STYXL1: variants seen among roughly 807,000 people sequenced by gnomAD.
The protein encoded by STYXL1 is serine/threonine/tyrosine-interacting-like protein 1.
Under a neutral mutation model 36.4 loss-of-function variants are expected in STYXL1, and 32 were observed. The ratio of observed to expected loss-of-function variants is 0.88; its 90% CI spans 0.66 to 1.18. The LOEUF (loss-of-function observed/expected upper bound fraction) is 1.18, where lower values mean the gene tolerates loss of function less well. Ranked by LOEUF, STYXL1 falls within the 50% of genes most tolerant of loss-of-function variation. The pLI, the probability that STYXL1 is intolerant of heterozygous loss-of-function variation, is 0.00. For synonymous variants in STYXL1, 133 were observed against 144.1 expected, an observed-to-expected ratio of 0.92 and a Z score of 0.55; for missense variants, 354 against 394.1, an observed-to-expected ratio of 0.90 and a Z score of 0.86.
chr7:76,018,006 C>T (rs1793611741), intron 4 of STYXL1, among the ~76,000 whole-genome samples: 4 of 151,806 alleles, frequency 2.6e-5, no homozygotes, highest in Admixed American at 1.3e-4. Flanking sequence ...CAACCATCCC[C>T]CACAATCAAT....
chr7:76,012,673 G>A (rs1390439343), intron 5 of STYXL1, among the ~76,000 whole-genome samples: 1 of 152,136 alleles, frequency 6.6e-6, no homozygotes, highest in Non-Finnish European at 1.5e-5. Context: ...GGGATTATAG[G>A]CGTGAGCCAC....
chr7:76,005,459 T>A, intron 5 of STYXL1, 55 bp from the exon 6 acceptor site: 1 of 1,511,300 alleles, frequency 6.6e-7, no homozygotes, highest in African/African-American at 1.4e-5. Context: ...GGAAGAGGGA[T>A]GTCTATCTCT....
At chr7:76,024,935 T>A (rs1262249608) in intron 3 of STYXL1, among the ~76,000 whole-genome samples, 2 of 82,312 alleles carry the variant, frequency 2.4e-5, no homozygotes, top group South Asian at 4.1e-4. Flanking sequence ...GGCGACAGAG[T>A]GAGACTCTGT....
Position 76,028,671 on chromosome 7 carries a change from G to C in STYXL1, c.136C>G (p.His46Asp), listed in dbSNP as rs781821902. The change falls in exon 3 of 9, where the codon CAT becomes GAT. Residue 46 changes from histidine to aspartate, a missense_variant. His to Asp is a moderately conservative substitution (Grantham distance 81). Coordinates refer to ENST00000359697, the MANE Select transcript of STYXL1 (RefSeq NM_001317785.2). ...VRSKWEYDES[H>D]VITALRVKKK... is the part of the protein sequence containing the mutation. ...TTCACTCGAAGGGCAGTGATCACAT[G>C]GCTTTCGTCATACTCCCATTTGGAA... 10 of 1,614,096 alleles carry C rather than the reference G, an allele frequency of 6.2e-6. No individual in the cohort carries two copies. Among genetic ancestry groups the C allele is most frequent in the Non-Finnish European group, 8.5e-6 (10 of 1,180,006 alleles).
intron 5 of STYXL1, 90 bp from the exon 6 acceptor site, chr7:76,005,494 G>C (rs1366374343): frequency 2.3e-6 from 3 of 1,286,820 alleles, no homozygotes; most frequent in Non-Finnish European, 3.3e-6. Context: ...GCAAACGAGC[G>C]TAAAAGGGCA....
chr7:76,003,694 C>T, intron 7 of STYXL1, 64 bp downstream of exon 7: 4 of 1,439,578 alleles, frequency 2.8e-6, no homozygotes, highest in Non-Finnish European at 3.9e-6. Context: ...GTGAAGGAGG[C>T]TCCACTGCCC....
At chr7:76,003,071 G>T (rs1270827649) in intron 7 of STYXL1, among the ~76,000 whole-genome samples, 2 of 152,176 alleles carry the variant, frequency 1.3e-5, no homozygotes, top group Non-Finnish European at 2.9e-5. Flanking sequence ...TCTCTCTACA[G>T]ATCTTACTCT....
intron 5 of STYXL1, among the ~76,000 whole-genome samples, chr7:76,005,929 G>A (rs2116812449): frequency 6.6e-6 from 1 of 150,566 alleles, no homozygotes; most frequent in South Asian, 2.1e-4. Flanking sequence ...GGAGGGAGGA[G>A]GTGGAGGAGG....
chr7:76,043,681 C>T (rs544179866), intron 1 of STYXL1, among the ~76,000 whole-genome samples: 1 of 152,266 alleles, frequency 6.6e-6, no homozygotes, highest in East Asian at 1.9e-4. Context: ...GTCGAAGGGG[C>T]TTTTCTTGCC....
chr7:76,007,622 C>G (rs1791955913), intron 5 of STYXL1, among the ~76,000 whole-genome samples: 1 of 151,770 alleles, frequency 6.6e-6, no homozygotes, highest in Non-Finnish European at 1.5e-5. Flanking sequence ...CATTAGCAAT[C>G]AAAGGTTCAA....
exon 9 of STYXL1, chr7:75,996,340 CAT>C (rs1216592261): frequency 6.3e-7 from 1 of 1,577,766 alleles, no homozygotes; most frequent in Non-Finnish European, 8.6e-7. Flanking sequence ...AGGAGGCTAA[CAT>C]GAGACTTTCA....
chr7:76,001,406 G>C (rs1790903291), intron 7 of STYXL1, among the ~76,000 whole-genome samples: 1 of 152,144 alleles, frequency 6.6e-6, no homozygotes, highest in Non-Finnish European at 1.5e-5. Flanking sequence ...ACTGGCCGTG[G>C]GGCTTGGGCA....
chr7:76,002,404 G>C (rs1791066327), intron 7 of STYXL1, among the ~76,000 whole-genome samples: 1 of 152,184 alleles, frequency 6.6e-6, no homozygotes, highest in Non-Finnish European at 1.5e-5. Flanking sequence ...CAGACTGCCA[G>C]GGCTGAAGAA....
intron 4 of STYXL1, among the ~76,000 whole-genome samples, chr7:76,020,813 C>T (rs923008823): frequency 3.3e-5 from 5 of 152,062 alleles, no homozygotes; most frequent in Admixed American, 3.3e-4. Flanking sequence ...GCCTGGCTTC[C>T]TCACAGCTCT....
intron 4 of STYXL1, among the ~76,000 whole-genome samples, chr7:76,020,119 T>C (rs1703945239): frequency 6.6e-6 from 1 of 152,002 alleles, no homozygotes; most frequent in African/African-American, 2.4e-5. Context: ...AGTTATAGAA[T>C]GTAAAGGGGA....
At chr7:76,045,386 A>C (rs1796856040) in intron 1 of STYXL1, 1 of 152,094 alleles carries the variant, frequency 6.6e-6, no homozygotes, top group African/African-American at 2.4e-5. Context: ...CCTCAAACAC[A>C]GTTCTGGCAG....
chr7:76,043,654 C>T (rs555284934), intron 1 of STYXL1, among the ~76,000 whole-genome samples: 1 of 152,288 alleles, frequency 6.6e-6, no homozygotes, highest in South Asian at 2.1e-4. Context: ...CAAGCTGAGA[C>T]AGTAACAAGG....
chr7:76,041,026 CAAAAGGAGCGGTTT>C (rs1796430148), intron 1 of STYXL1, among the ~76,000 whole-genome samples: 1 of 151,192 alleles, frequency 6.6e-6, no homozygotes, highest in Non-Finnish European at 1.5e-5. Flanking sequence ...TCCAGGGATC[CAAAAGGAGCGGTTT>C]AAAATACTTC....
rs1563468085 is a variant in STYXL1, at chr7:76,005,869, GAGAGAGGAGGAGA to G, written c.454-478_454-466del. Among the ~76,000 whole-genome samples, 4 of 33,658 alleles carry G rather than the reference GAGAGAGGAGGAGA, an allele frequency of 1.2e-4. No individual in the cohort carries two copies. The South Asian group carries it at 2.6e-3, about 22-fold the overall frequency. 22.1% of individuals were successfully genotyped at this position (33,658 alleles called of 152,430 possible). On this transcript the variant is annotated intron_variant, in intron 5 of 8. Coordinates refer to ENST00000359697, the MANE Select transcript of STYXL1 (RefSeq NM_001317785.2). ...AAGAGAGAGGAGGAGAGAGGAGGAAGAGAGAGGAGGAGAGAGGAGGAGGAGGAGGAGAGAGGAG... is the reference window on the plus strand; with the variant it reads ...AAGAGAGAGGAGGAGAGAGGAGGAAGGAGGAGGAGGAGGAGGAGAGAGGAG...
Sources: gnomAD v4.1 joint callset for allele counts (sites outside exome capture counted in the v4.1 genomes callset) on GRCh38, gnomAD v4.1.1 for gene constraint, MANE v1.5 for transcripts, NCBI Gene and HGNC (gene_info 2026-07-23, HGNC 2026-07-21) for gene names.